SGMS1: variants seen among roughly 807,000 people sequenced by gnomAD.
SGMS1 encodes sphingomyelin synthase 1.
In SGMS1, 13 loss-of-function variants were observed where a neutral mutation model predicts 46.2. That is an observed-to-expected ratio of 0.28 (90% CI 0.18 to 0.45). The LOEUF (loss-of-function observed/expected upper bound fraction) is 0.45. Among genes scored for constraint, SGMS1 ranks in the 20% least tolerant of loss-of-function variants. SGMS1 has a pLI of 1.00. For missense variants in SGMS1, 324 were observed against 519.9 expected (o/e 0.62, Z 3.66); for synonymous variants, 203 against 187.8 (o/e 1.08, Z -0.66).
intron 2 of SGMS1, among the ~76,000 whole-genome samples, chr10:50,563,742 C>CAAAA (rs60882939): frequency 2.3e-4 from 15 of 65,728 alleles, no homozygotes; most frequent in East Asian, 3.9e-4. Flanking sequence ...GACTCCGTCT[C>CAAAA]AAAAAAAAAA....
intron 6 of SGMS1, among the ~76,000 whole-genome samples, chr10:50,410,200 C>T (rs1390168978): frequency 2.0e-5 from 3 of 152,122 alleles, no homozygotes; most frequent in Non-Finnish European, 2.9e-5. Context: ...TTCTTCTCAA[C>T]GTTTTCTAAA....
chr10:50,434,708 C>T (rs146828824), intron 5 of SGMS1, among the ~76,000 whole-genome samples: 1 of 124,658 alleles, frequency 8.0e-6, no homozygotes, highest in Non-Finnish European at 1.7e-5. Flanking sequence ...AACCCTGTCT[C>T]TACTAAAAAT....
At chr10:50,428,512 G>C (rs1377200505) in intron 6 of SGMS1, among the ~76,000 whole-genome samples, 2 of 152,188 alleles carry the variant, frequency 1.3e-5, no homozygotes, top group Admixed American at 6.5e-5. Flanking sequence ...GCCACAAAAA[G>C]AATGGAAAAT....
intron 3 of SGMS1, among the ~76,000 whole-genome samples, chr10:50,486,435 C>T (rs188508070): frequency 1.3e-5 from 2 of 152,234 alleles, no homozygotes; most frequent in African/African-American, 4.8e-5. Context: ...ATCTAATAAC[C>T]AGAGTCCACA....
chr10:50,378,002 A>T (rs1459539583), intron 6 of SGMS1, among the ~76,000 whole-genome samples: 1 of 152,212 alleles, frequency 6.6e-6, no homozygotes, highest in African/African-American at 2.4e-5. Context: ...CCTTAATCAC[A>T]TGTTTTGCTT....
intron 7 of SGMS1, among the ~76,000 whole-genome samples, chr10:50,338,245 CCT>C (rs1231361021): frequency 1.3e-5 from 2 of 152,178 alleles, no homozygotes; most frequent in African/African-American, 2.4e-5. Flanking sequence ...TCTCTCTACC[CCT>C]GACCCCAACC....
At chr10:50,454,050 C>CAAAAAAAAAAAA (rs71846628) in intron 5 of SGMS1, among the ~76,000 whole-genome samples, 34 of 97,958 alleles carry the variant, frequency 3.5e-4, no homozygotes, top group East Asian at 8.2e-4. Context: ...TTTACATAGG[C>CAAAAAAAAAAAA]AAAAAAAAAA....
rs1460993832 is a variant in SGMS1, at chr10:50,308,142, G to A, written c.902C>T (p.Pro301Leu). 10 of 1,612,798 alleles carry A rather than the reference G, an allele frequency of 6.2e-6. No individual in the cohort carries two copies. Among genetic ancestry groups the A allele is most frequent in the African/African-American group, 1.3e-5 (1 of 74,854 alleles). Residue 301 changes from proline to leucine, a missense_variant, in exon 10 of 11, where the codon CCT becomes CTT. Physicochemically the swap from Pro to Leu is moderately conservative, Grantham distance 98. Coordinates refer to ENST00000361781, the MANE Select transcript of SGMS1 (RefSeq NM_147156.4). Reference protein sequence around the residue: ...LTYLFIKEYSPRRLWWYHWIC... With the variant: ...LTYLFIKEYSLRRLWWYHWIC... ...CCAGTGATACCACCAGAGTCGCCGA[G>A]GGGAATCTGAAAGGGGGAGAGATTT... is the stretch of plus-strand genomic sequence containing the variant.
intron 6 of SGMS1, chr10:50,418,045 T>A (rs1849199446): frequency 6.6e-6 from 1 of 152,240 alleles, no homozygotes; most frequent in African/African-American, 2.4e-5. Flanking sequence ...AACCACAGCA[T>A]CTCCGGAGCA....
intron 1 of SGMS1, among the ~76,000 whole-genome samples, chr10:50,595,964 G>T (rs561981330): frequency 6.6e-6 from 1 of 152,290 alleles, no homozygotes; most frequent in African/African-American, 2.4e-5. Context: ...TCAAAGGGTT[G>T]CTGTGAGGAT....
At chr10:50,397,168 A>G (rs574497517) in intron 6 of SGMS1, among the ~76,000 whole-genome samples, 4 of 152,304 alleles carry the variant, frequency 2.6e-5, no homozygotes, top group South Asian at 2.1e-4. Context: ...GAACTTGTAC[A>G]TTCTTTGCAA....
intron 4 of SGMS1, among the ~76,000 whole-genome samples, chr10:50,464,690 T>G (rs1047729416): frequency 1.3e-5 from 2 of 152,208 alleles, no homozygotes; most frequent in African/African-American, 4.8e-5. Context: ...CGCCTTGGCC[T>G]CCCAAAGTGC....
intron 6 of SGMS1, among the ~76,000 whole-genome samples, chr10:50,419,137 C>T (rs1011546430): frequency 3.3e-5 from 5 of 152,028 alleles, no homozygotes; most frequent in African/African-American, 1.2e-4. Flanking sequence ...AGATTTCAGG[C>T]ATCCACTGGG....
intron 6 of SGMS1, among the ~76,000 whole-genome samples, chr10:50,349,124 T>G (rs1030789690): frequency 1.3e-5 from 2 of 152,236 alleles, no homozygotes; most frequent in African/African-American, 4.8e-5. Context: ...CAGGGCCTCT[T>G]TGAGACAGTG....
At chr10:50,612,412 T>C (rs1320290133) in intron 1 of SGMS1, among the ~76,000 whole-genome samples, 1 of 152,126 alleles carries the variant, frequency 6.6e-6, no homozygotes, top group East Asian at 1.9e-4. Context: ...TGAAATTAAA[T>C]AGGACTGGGG....
At chr10:50,474,358 C>G (rs1837401930) in intron 3 of SGMS1, 1 of 152,064 alleles carries the variant, frequency 6.6e-6, no homozygotes, top group South Asian at 2.1e-4. Flanking sequence ...TTCAACTTGT[C>G]TCCTCTGGAA....
chr10:50,331,156 G>C (rs1847618030), intron 7 of SGMS1, among the ~76,000 whole-genome samples: 1 of 152,130 alleles, frequency 6.6e-6, no homozygotes, highest in Admixed American at 6.5e-5. Context: ...AAAAAACAAA[G>C]TTTCTATTGA....
At chr10:50,608,625 A>T (rs1336256420) in intron 1 of SGMS1, among the ~76,000 whole-genome samples, 1 of 152,218 alleles carries the variant, frequency 6.6e-6, no homozygotes, top group Non-Finnish European at 1.5e-5. Context: ...AATCAGTGTG[A>T]TATCTTTATT....
chr10:50,422,233 C>G (rs1395674212), intron 6 of SGMS1, among the ~76,000 whole-genome samples: 1 of 152,126 alleles, frequency 6.6e-6, no homozygotes, highest in African/African-American at 2.4e-5. Context: ...GCATCTGTAT[C>G]CCCCAGGGCC....
Sources: gnomAD v4.1 joint callset for allele counts (sites outside exome capture counted in the v4.1 genomes callset) on GRCh38, gnomAD v4.1.1 for gene constraint, MANE v1.5 for transcripts, NCBI Gene and HGNC (gene_info 2026-07-23, HGNC 2026-07-21) for gene names.